AMZ1: variants seen among roughly 807,000 people sequenced by gnomAD.
The protein encoded by AMZ1 is archaemetzincin-1.
Under a neutral mutation model 29.9 loss-of-function variants are expected in AMZ1, and 39 were observed. The ratio of observed to expected loss-of-function variants is 1.30; its 90% CI spans 1.01 to 1.70. AMZ1 has a LOEUF of 1.70. Ranked by LOEUF, AMZ1 falls within the 40% of genes most tolerant of loss-of-function variation. AMZ1 has a pLI of 0.00. For synonymous variants in AMZ1, 458 were observed against 304.0 expected (o/e 1.51, Z -5.27); for missense variants, 1,041 against 680.6 (o/e 1.53, Z -5.89).
At chr7:2,749,516 T>C (rs1220856683) in intron 4 of AMZ1, among the ~76,000 whole-genome samples, 1 of 57,702 alleles carries the variant, frequency 1.7e-5, no homozygotes, top group Non-Finnish European at 3.3e-5. Context: ...TATTGTGGGG[T>C]AGGGGGAGGG....
chr7:2,700,951 G>A (rs1435404721), intron 2 of AMZ1, among the ~76,000 whole-genome samples, 196 bp downstream of exon 2: 5 of 152,204 alleles, frequency 3.3e-5, no homozygotes, highest in East Asian at 1.9e-4. Flanking sequence ...ATCCTGACAC[G>A]ATGCTCAGAC....
At position 2,714,678 on chromosome 7, in the gene AMZ1, C is replaced by A. The variant is rs1789014330; in HGVS notation, c.*1800C>A. 6.6e-6 allele frequency: 1 copy of A among 152,216 alleles called. No homozygotes were observed. Among genetic ancestry groups the A allele is most frequent in the Non-Finnish European group, 1.5e-5 (1 of 68,036 alleles). The allele number at this position is 152,216 out of a possible 1,614,324, so 9.4% of individuals were successfully genotyped here. On this transcript the variant is annotated 3_prime_UTR_variant, in exon 7 of 7. Transcript: ENST00000683327. ...TCATGAATCTGTAACTTGGGCAGAG[C>A]TCGGTGGAGACGGTTTGCCCCTGTG...
chr7:2,751,286 G>A (rs1791022980), intron 4 of AMZ1, among the ~76,000 whole-genome samples: 1 of 151,930 alleles, frequency 6.6e-6, no homozygotes, highest in Admixed American at 6.6e-5. Context: ...CTCAGCAGGG[G>A]GAGCTGAGGT....
At chr7:2,686,453 G>A (rs373522243), upstream of AMZ1, among the ~76,000 whole-genome samples, 164 of 152,274 alleles carry the variant, frequency 1.1e-3, no homozygotes, top group African/African-American at 3.8e-3. Context: ...AGGATTGCTG[G>A]AGTCTAGGAG....
chr7:2,761,116 T>C (rs1446173666), upstream of AMZ1, among the ~76,000 whole-genome samples: 1 of 152,226 alleles, frequency 6.6e-6, no homozygotes, highest in Admixed American at 6.5e-5. Context: ...GGCTCTCGGC[T>C]GTGGGGCTCC....
chr7:2,681,412 C>T lies in AMZ1; in HGVS notation c.-219+1741C>T, dbSNP rs114007440. On this transcript the variant is annotated intron_variant, in intron 1 of 6. Coordinates refer to the AMZ1 transcript ENST00000312371. Reference sequence around the variant, plus strand: ...TCAGCCTCCCAGGTGCATGCCACCACGCCCGGCTAATTTTTTTTTAATTTT... The same window carrying T: ...TCAGCCTCCCAGGTGCATGCCACCATGCCCGGCTAATTTTTTTTTAATTTT... 6.3e-3 allele frequency among the ~76,000 whole-genome samples: 961 copies of T among 152,156 alleles called. 12 individuals carry two copies. The highest frequency in any genetic ancestry group is 0.022 in the African/African-American group (895 of 41,506).
chr7:2,689,593 C>T (rs900325653), intron 1 of AMZ1, among the ~76,000 whole-genome samples: 2 of 152,212 alleles, frequency 1.3e-5, no homozygotes, highest in Non-Finnish European at 2.9e-5. Flanking sequence ...AACCAGGCCC[C>T]GCTGGCCCCC....
At chr7:2,760,685 A>G (rs1207674097), upstream of AMZ1, among the ~76,000 whole-genome samples, 1 of 152,008 alleles carries the variant, frequency 6.6e-6, no homozygotes, top group Non-Finnish European at 1.5e-5. Context: ...CACCCTCCAA[A>G]TCCATCTCCA....
chr7:2,692,406 G>T (rs964477514), intron 1 of AMZ1, among the ~76,000 whole-genome samples: 1 of 152,226 alleles, frequency 6.6e-6, no homozygotes, highest in Non-Finnish European at 1.5e-5. Flanking sequence ...GCCGGGTGTG[G>T]TGGCGGGCGC....
At chr7:2,742,841 T>C (rs537148005) in intron 4 of AMZ1, among the ~76,000 whole-genome samples, 7 of 152,350 alleles carry the variant, frequency 4.6e-5, no homozygotes, top group Admixed American at 1.3e-4. Context: ...CCTTTGTTGC[T>C]AGTGAATAGA....
At chr7:2,744,355 G>A (rs962374995) in intron 4 of AMZ1, among the ~76,000 whole-genome samples, 2 of 152,166 alleles carry the variant, frequency 1.3e-5, no homozygotes, top group Non-Finnish European at 2.9e-5. Flanking sequence ...AGCATTTGTG[G>A]GTCACCAATA....
At chr7:2,764,971 G>A (rs891931856) in intron 1 of AMZ1, 9 of 152,226 alleles carry the variant, frequency 5.9e-5, no homozygotes, top group African/African-American at 2.2e-4. Flanking sequence ...CGGTGGAAAA[G>A]TAATAAGCAG....
chr7:2,717,300 C>T lies in AMZ1; in HGVS notation c.*4422C>T, dbSNP rs900206232. ...GAAGACGGAGAGAATCAGGGCTTCG[C>T]GACGGGGCTCATAGACCTGAACTGG... On this transcript the variant is annotated 3_prime_UTR_variant, in exon 7 of 7. Transcript: ENST00000683327. Among the ~76,000 whole-genome samples, 2 of 152,142 alleles carry T rather than the reference C, an allele frequency of 1.3e-5. No homozygotes were observed. The highest frequency in any genetic ancestry group is 2.9e-5 in the Non-Finnish European group (2 of 68,046).
At chr7:2,685,171 A>T (rs1003623626), upstream of AMZ1, among the ~76,000 whole-genome samples, 2 of 150,800 alleles carry the variant, frequency 1.3e-5, no homozygotes, top group Admixed American at 6.6e-5. Context: ...CCCGGCCTCG[A>T]TGCATAATTT....
chr7:2,731,643 C>G lies in AMZ1; in HGVS notation n.550+21827C>G. ...TCTGGCGCTGGGACCGCTGGCCGCC[C>G]ACATCCACCATCTTAAAGGGGATCT... is the stretch of plus-strand genomic sequence containing the variant. On this transcript the variant is annotated intron_variant and non_coding_transcript_variant, in intron 4 of 4. Transcript: ENST00000489665. The surrounding 1 kb of genome is among the most constrained non-coding windows in gnomAD (Gnocchi z 6.0). The G allele has an allele frequency of 6.2e-7, 1 of 1,613,714 alleles. No individual in the cohort carries two copies. Among genetic ancestry groups the G allele is most frequent in the Non-Finnish European group, 8.5e-7 (1 of 1,179,878 alleles).
intron 1 of AMZ1, among the ~76,000 whole-genome samples, chr7:2,696,627 G>A (rs1381276127): frequency 1.3e-5 from 2 of 151,548 alleles, no homozygotes; most frequent in Non-Finnish European, 2.9e-5. Flanking sequence ...GCTCATGCCT[G>A]TAATCCCAGC....
chr7:2,681,376 A>G (rs898210123), intron 1 of AMZ1, among the ~76,000 whole-genome samples: 2 of 151,426 alleles, frequency 1.3e-5, no homozygotes, highest in African/African-American at 2.4e-5. Flanking sequence ...CCCTCAGGTG[A>G]TCCTCCCATC....
intron 6 of AMZ1, 28 bp from the exon 7 acceptor site, chr7:2,712,302 A>G (rs769514145): frequency 5.9e-5 from 90 of 1,528,740 alleles, no homozygotes; most frequent in Non-Finnish European, 7.6e-5. Flanking sequence ...GGCACGGAGC[A>G]AACTCAGCCT....
rs967681057 is a variant in AMZ1, at chr7:2,719,419, T to C, written c.*6541T>C. On this transcript the variant is annotated 3_prime_UTR_variant, in exon 7 of 7. Transcript: ENST00000683327. ...TGCTCCAACAGCAGAGCCCAGAGCA[T>C]CCCTTGGCCCGACGCACAAGTCCCA... Among the ~76,000 whole-genome samples, 1 of 152,142 alleles carries C rather than the reference T, an allele frequency of 6.6e-6. No homozygotes were observed. The highest frequency in any genetic ancestry group is 2.4e-5 in the African/African-American group (1 of 41,430).
Sources: allele counts gnomAD v4.1 joint callset (sites outside exome capture counted in the v4.1 genomes callset), GRCh38; gene constraint gnomAD v4.1.1; non-coding constraint Gnocchi (gnomAD v3.1); transcripts MANE v1.5; gene names NCBI Gene and HGNC (gene_info 2026-07-23, HGNC 2026-07-21).